Variants in ADIPOR2 observed in about 807,000 individuals in gnomAD.
The protein encoded by ADIPOR2 is adiponectin receptor 2.
In ADIPOR2, 18 loss-of-function variants were observed where a neutral mutation model predicts 40.9. The ratio of observed to expected loss-of-function variants is 0.44; its 90% confidence interval spans 0.30 to 0.65. The LOEUF is 0.65. Ranked by LOEUF, ADIPOR2 falls within the 30% of genes least tolerant of loss-of-function variation. The pLI is 0.09. For synonymous variants in ADIPOR2, 165 were observed against 166.4 expected (o/e 0.99, Z 0.06); for missense variants, 283 against 479.2 (o/e 0.59, Z 3.82).
intron 1 of ADIPOR2, among the ~76,000 whole-genome samples, chr12:1,707,035 C>G (rs1020936766): frequency 2.6e-5 from 4 of 152,192 alleles, no homozygotes; most frequent in African/African-American, 9.7e-5. Flanking sequence ...TGTACATATT[C>G]TTTAATGCCT....
Position 1,716,084 on chromosome 12 carries a change from T to G in ADIPOR2, c.-87+24893T>G, listed in dbSNP as rs571182370. On this transcript the variant is annotated intron_variant, in intron 1 of 7. Transcript: ENST00000357103. Reference sequence around the variant, plus strand: ...AAGAGCTGTAACACTCACCACGAAGTTCTGCGGCTTCATTCTTGAAGTCAG... The same window carrying G: ...AAGAGCTGTAACACTCACCACGAAGGTCTGCGGCTTCATTCTTGAAGTCAG... 2.3e-3 allele frequency among the ~76,000 whole-genome samples: 344 copies of G among 152,284 alleles called. 2 individuals carry two copies. Among genetic ancestry groups the G allele is most frequent in the African/African-American group, 7.9e-3 (330 of 41,530 alleles).
chr12:1,721,260 G>A (rs1324305618), intron 1 of ADIPOR2, among the ~76,000 whole-genome samples: 8 of 118,006 alleles, frequency 6.8e-5, no homozygotes, highest in Non-Finnish European at 1.3e-4. Context: ...CTGTCATCCA[G>A]GCTGGAGTGC....
intron 1 of ADIPOR2, among the ~76,000 whole-genome samples, chr12:1,715,460 C>G (rs1266527602): frequency 2.0e-5 from 3 of 152,044 alleles, no homozygotes; most frequent in African/African-American, 7.3e-5. Context: ...TGTGTGTTCC[C>G]CATCTGAAAG....
At chr12:1,772,626 A>T in intron 2 of ADIPOR2, 1 of 444,786 alleles carries the variant, frequency 2.2e-6, no homozygotes, top group Non-Finnish European at 3.7e-6. Context: ...CTGCTATAGT[A>T]GACAGTTAAT....
At position 1,781,086 on chromosome 12, in the gene ADIPOR2, C is replaced by T. The variant is rs769048225; in HGVS notation, c.838+10C>T. The T allele has an allele frequency of 1.2e-5, 19 of 1,562,470 alleles. No individual in the cohort carries two copies. The highest frequency in any genetic ancestry group is 9.3e-5 in the East Asian group (4 of 43,140). On this transcript the variant is annotated intron_variant, in intron 6 of 7. Transcript: ENST00000357103. ...CGGGGAGTAAGAGCAGGTAAGAGCA[C>T]GGGGAGGTTCTACATTCGACATTCA...
intron 1 of ADIPOR2, among the ~76,000 whole-genome samples, chr12:1,725,584 G>A (rs1228028812): frequency 2.0e-5 from 3 of 152,096 alleles, no homozygotes; most frequent in Admixed American, 6.6e-5. Flanking sequence ...CTATAAAGTC[G>A]CAGTTTCAAG....
intron 2 of ADIPOR2, among the ~76,000 whole-genome samples, chr12:1,755,983 A>G (rs910614805): frequency 1.3e-5 from 2 of 152,042 alleles, no homozygotes; most frequent in African/African-American, 4.8e-5. Context: ...TTCTACTGGG[A>G]ACAGCAGCTG....
intron 2 of ADIPOR2, among the ~76,000 whole-genome samples, chr12:1,769,841 C>T (rs979734593): frequency 1.3e-5 from 2 of 151,818 alleles, no homozygotes; most frequent in Non-Finnish European, 2.9e-5. Context: ...TGTGCCTGGC[C>T]GGAAATAATT....
At chr12:1,748,521 T>G (rs1276580206) in intron 1 of ADIPOR2, among the ~76,000 whole-genome samples, 5 of 152,144 alleles carry the variant, frequency 3.3e-5, no homozygotes, top group South Asian at 2.1e-4. Context: ...GTGCTGGGAT[T>G]ACAGGCGTGA....
chr12:1,711,170 A>C (rs759467637), intron 1 of ADIPOR2, among the ~76,000 whole-genome samples: 3 of 152,136 alleles, frequency 2.0e-5, no homozygotes, highest in Non-Finnish European at 4.4e-5. Flanking sequence ...GGTTTTGGAG[A>C]GTCACTGCTG....
intron 5 of ADIPOR2, 77 bp from the exon 6 acceptor site, chr12:1,780,812 G>C: frequency 7.0e-7 from 1 of 1,427,864 alleles, no homozygotes; most frequent in Admixed American, 2.5e-5. Context: ...CTTATGTCAT[G>C]AGGGATTAAT....
At chr12:1,727,671 C>T (rs944016362) in intron 1 of ADIPOR2, among the ~76,000 whole-genome samples, 1 of 152,048 alleles carries the variant, frequency 6.6e-6, no homozygotes, top group African/African-American at 2.4e-5. Flanking sequence ...CTGCCCCTCC[C>T]TCCCAGAATG....
rs370110118 is a variant in ADIPOR2 at position 1,766,853 on chromosome 12, T to G, written c.172-5989T>G. On this transcript the variant is annotated intron_variant, in intron 2 of 7. Transcript: ENST00000357103. ...AACCTTCATATTCTGTTAAACTGGT[T>G]TACTTTAACCAAAATCAAGAATGCC... is the stretch of plus-strand genomic sequence containing the variant. 1.9e-4 allele frequency among the ~76,000 whole-genome samples: 29 copies of G among 152,342 alleles called. No individual in the cohort carries two copies. In the East Asian group the frequency reaches 5.0e-3, roughly 26 times the overall value.
In ADIPOR2 at chr12:1,775,563, G is replaced by A. The variant is rs576157867; in HGVS notation, c.292-2291G>A. Among the ~76,000 whole-genome samples the A allele has an allele frequency of 4.6e-5, 7 of 152,212 alleles. No individual in the cohort carries two copies. In the East Asian group the frequency reaches 7.7e-4, roughly 17 times the overall value. On this transcript the variant is annotated intron_variant, in intron 3 of 7. Transcript: ENST00000357103. ...AACATATGACTCTTTTGTCTGTGTG[G>A]GGTAGCAGAGTAGCAGTTTGGATAC... is the stretch of plus-strand genomic sequence containing the variant.
Position 1,750,249 on chromosome 12 carries a change from A to T in ADIPOR2, c.-86-4009A>T, listed in dbSNP as rs146397192. On this transcript the variant is annotated intron_variant, in intron 1 of 7. Coordinates refer to ENST00000357103, the MANE Select transcript of ADIPOR2 (RefSeq NM_024551.3). ...TAAAAATTTCAGTTTCTGCGTGTTT[A>T]TTGTTAATATATAGAAAAGTAAATG... is the stretch of plus-strand genomic sequence containing the variant. Among the ~76,000 whole-genome samples the T allele has an allele frequency of 7.8e-3, 1,180 of 152,080 alleles. 12 individuals carry two copies. Among genetic ancestry groups the T allele is most frequent in the East Asian group, 0.026 (137 of 5,186 alleles).
intron 1 of ADIPOR2, among the ~76,000 whole-genome samples, chr12:1,706,169 G>T (rs551318681): frequency 6.9e-6 from 1 of 144,422 alleles, no homozygotes; most frequent in Non-Finnish European, 1.5e-5. Context: ...TGTTTTGTAC[G>T]TTGTGTAACC....
chr12:1,694,111 A>G lies in ADIPOR2; in HGVS notation c.-87+2920A>G, dbSNP rs370201688. The stretch of plus-strand genomic sequence containing the variant: ...ATTGCTGTGGCAGCTCTGTGAGTGT[A>G]TACTATGATTTCTGTTTTACAGGTG... On this transcript the variant is annotated intron_variant, in intron 1 of 7. Transcript: ENST00000357103. 1.1e-4 allele frequency among the ~76,000 whole-genome samples: 16 copies of G among 152,336 alleles called. 1 individual carries two copies. The East Asian group carries it at 3.1e-3, about 29-fold the overall frequency.
intron 6 of ADIPOR2, among the ~76,000 whole-genome samples, chr12:1,782,943 T>TTTTTC (rs143023603): frequency 3.3e-5 from 5 of 150,138 alleles, no homozygotes; most frequent in African/African-American, 7.5e-5. Flanking sequence ...TTTTTCTTCT[T>TTTTTC]TTTTCTTTTC....
chr12:1,747,326 T>G lies in ADIPOR2; in HGVS notation c.-86-6932T>G, dbSNP rs146463707. Among the ~76,000 whole-genome samples, 3 of 152,282 alleles carry G rather than the reference T, an allele frequency of 2.0e-5. No individual in the cohort carries two copies. In the East Asian group the frequency reaches 5.8e-4, roughly 29 times the overall value. On this transcript the variant is annotated intron_variant, in intron 1 of 7. Coordinates refer to ENST00000357103, the MANE Select transcript of ADIPOR2 (RefSeq NM_024551.3). ...ATGAGAACTGGAAAATTCACAAATA[T>G]GTGGAAATTAACACACTTAACCATT... is the stretch of plus-strand genomic sequence containing the variant.
Sources: gnomAD v4.1 joint callset for allele counts (sites outside exome capture counted in the v4.1 genomes callset) on GRCh38, gnomAD v4.1.1 for gene constraint, MANE v1.5 for transcripts, NCBI Gene and HGNC (gene_info 2026-07-23, HGNC 2026-07-21) for gene names.